The following KDM2B variants were observed in gnomAD, a reference collection of about 807,000 sequenced individuals.
KDM2B encodes the protein lysine demethylase 2B.
A neutral mutation model predicts 150.0 loss-of-function variants in KDM2B; 26 were observed. The observed-to-expected ratio is 0.17, with a 90% CI of 0.13 to 0.24. KDM2B has a LOEUF of 0.24. KDM2B is among the 10% of genes least tolerant of loss of function. The pLI is 1.00. For missense variants in KDM2B, 1,265 were observed against 1,816.9 expected (o/e 0.70, Z 5.52); for synonymous variants, 734 against 729.5 (o/e 1.01, Z -0.10).
chr12:121,466,607 C>G (rs1220488448), intron 12 of KDM2B, among the ~76,000 whole-genome samples: 1 of 151,450 alleles, frequency 6.6e-6, no homozygotes, highest in Non-Finnish European at 1.5e-5. Flanking sequence ...TCTCCGTCTG[C>G]CCACGGCGGG....
downstream of KDM2B, among the ~76,000 whole-genome samples, chr12:121,425,776 T>C (rs1872484839): frequency 6.6e-6 from 1 of 151,690 alleles, no homozygotes; most frequent in Admixed American, 6.6e-5. Flanking sequence ...AAACTTTTTT[T>C]TTTTTTTTGA....
At chr12:121,416,560 T>C in the KDM2B span, 4 of 551,462 alleles carry the variant, frequency 7.3e-6, no homozygotes, top group South Asian at 6.6e-5. Context: ...TCAAGTTTTA[T>C]AGACATTGTT....
chr12:121,580,497 C>T (rs913671349), intron 1 of KDM2B: 179 of 1,195,588 alleles, frequency 1.5e-4, no homozygotes, highest in Non-Finnish European at 1.8e-4. Flanking sequence ...GCCGCCGCCG[C>T]CCGGGAGTTG....
At position 121,440,924 on chromosome 12, in the gene KDM2B, A is replaced by C. The variant is rs1555288031; in HGVS notation, c.3502T>G (p.Cys1168Gly). The change falls in exon 21 of 23, where the codon TGC becomes GGC. Residue 1168 changes from cysteine to glycine, a missense_variant. Cys to Gly is a radical substitution (Grantham distance 159, BLOSUM62 -3). Coordinates refer to ENST00000377071, the MANE Select transcript of KDM2B (RefSeq NM_032590.5). ...GCSWIAVSALCSSSCPLLRTL... is the reference protein window; with the variant it reads ...GCSWIAVSALGSSSCPLLRTL... ...CGGAGCAGCGGACAACTGGAGCTGC[A>C]AAGGGCCGAGACCGCGATCCATGAG... 1.2e-6 allele frequency: 2 copies of C among 1,614,128 alleles called. No homozygotes were observed. Among genetic ancestry groups the C allele is most frequent in the South Asian group, 2.2e-5 (2 of 91,082 alleles).
intron 8 of KDM2B, among the ~76,000 whole-genome samples, 156 bp downstream of exon 8, chr12:121,532,650 G>GCACGGCTTTTCCCTCCAGCC (rs1187772470): frequency 2.0e-5 from 3 of 152,208 alleles, no homozygotes; most frequent in Non-Finnish European, 1.5e-5. Context: ...GGGGAAAACT[G>GCACGGCTTTTCCCTCCAGCC]CACGGCTTTT....
chr12:121,580,737 A>T (rs782066770), intron 1 of KDM2B, 49 bp downstream of exon 1: 2 of 1,435,622 alleles, frequency 1.4e-6, no homozygotes, highest in South Asian at 2.5e-5. Context: ...CTCATTGCCC[A>T]GGGCTACCCC....
intron 22 of KDM2B, among the ~76,000 whole-genome samples, chr12:121,433,963 G>A (rs1555286116): frequency 6.6e-6 from 1 of 151,950 alleles, no homozygotes; most frequent in Admixed American, 6.6e-5. Context: ...TGGATCACTT[G>A]AGCCTAGGAG....
chr12:121,467,123 G>C lies in KDM2B; in HGVS notation c.1735-13779C>G. The C allele has an allele frequency of 9.1e-7, 1 of 1,103,956 alleles. No individual in the cohort carries two copies. Among genetic ancestry groups the C allele is most frequent in the Non-Finnish European group, 1.1e-6 (1 of 884,742 alleles). 68.4% of individuals were successfully genotyped at this position (1,103,956 alleles called of 1,614,324 possible). A position where few individuals can be genotyped will look rare whatever the true frequency, so the allele number is the denominator to read the frequency against. ...ACAGGCGGTCGGGAGGTCGTGCGGC[G>C]GGTCCCTCCCTCAGCCCCACCCCGG... On this transcript the variant is annotated intron_variant, in intron 12 of 22. Transcript: ENST00000377071. The surrounding 1 kb of genome is among the most constrained non-coding windows in gnomAD (Gnocchi z 5.1).
Position 121,521,005 on chromosome 12 carries a change from C to T in KDM2B, c.1027G>A (p.Glu343Lys). The change falls in exon 9 of 23, where the codon GAG (glutamate) becomes AAG (lysine). Residue 343 changes from glutamate to lysine, a missense_variant. Transcript: ENST00000377071. This position sits in a 1 kb window ranked among gnomAD's most constrained non-coding sequence, Gnocchi z 4.9. ...CTTACCCGCGTCCTGTCCTCGATCTCGTAGATCCGCAGCTGCATGGGCACG... is the reference window on the plus strand; with the variant it reads ...CTTACCCGCGTCCTGTCCTCGATCTTGTAGATCCGCAGCTGCATGGGCACG... Reference protein sequence around the residue: ...FNVPMQLRIYEIEDRTRVQPK... With the variant: ...FNVPMQLRIYKIEDRTRVQPK... 1.2e-6 allele frequency: 2 copies of T among 1,613,914 alleles called. No homozygotes were observed. Among genetic ancestry groups the T allele is most frequent in the Non-Finnish European group, 1.7e-6 (2 of 1,179,930 alleles).
chr12:121,473,037 G>A (rs1338956345), intron 12 of KDM2B, among the ~76,000 whole-genome samples: 1 of 152,072 alleles, frequency 6.6e-6, no homozygotes, highest in Non-Finnish European at 1.5e-5. Flanking sequence ...GGAGAAATAA[G>A]ATCTGAAGTT....
chr12:121,440,490 GC>G, intron 21 of KDM2B: 1 of 383,238 alleles, frequency 2.6e-6, no homozygotes, highest in Non-Finnish European at 4.8e-6. Context: ...CCAACGAGGG[GC>G]AAGTCAACAG....
intron 12 of KDM2B, among the ~76,000 whole-genome samples, chr12:121,478,461 G>A (rs905325563): frequency 5.4e-5 from 8 of 149,424 alleles, no homozygotes; most frequent in Middle Eastern, 3.5e-3. Context: ...CCAAGTTCAC[G>A]CCATTCTCCT....
intron 11 of KDM2B, among the ~76,000 whole-genome samples, chr12:121,499,765 T>C (rs1196202414): frequency 6.6e-6 from 1 of 151,708 alleles, no homozygotes; most frequent in Admixed American, 6.6e-5. Context: ...CTGTCCAACA[T>C]AGTGAAACCC....
At chr12:121,562,328 C>CA (rs1489159874) in intron 4 of KDM2B, among the ~76,000 whole-genome samples, 1 of 133,526 alleles carries the variant, frequency 7.5e-6, no homozygotes, top group Non-Finnish European at 1.6e-5. Flanking sequence ...ACTAAAAATA[C>CA]AAAAAATTAG....
At chr12:121,579,405 G>C (rs1334999302) in intron 1 of KDM2B, among the ~76,000 whole-genome samples, 3 of 152,176 alleles carry the variant, frequency 2.0e-5, no homozygotes, top group Non-Finnish European at 2.9e-5. Flanking sequence ...AGCCGGAACC[G>C]GGGGCCGGCG....
chr12:121,568,984 G>C (rs890308150), intron 4 of KDM2B, among the ~76,000 whole-genome samples: 1 of 152,070 alleles, frequency 6.6e-6, no homozygotes, highest in African/African-American at 2.4e-5. Flanking sequence ...ACACCTGGTA[G>C]TGCACAAATC....
chr12:121,538,632 C>T (rs1888360486), intron 6 of KDM2B, among the ~76,000 whole-genome samples: 1 of 152,150 alleles, frequency 6.6e-6, no homozygotes, highest in Admixed American at 6.5e-5. Context: ...CCGCATCATC[C>T]AAACTGTGGT....
downstream of KDM2B, among the ~76,000 whole-genome samples, chr12:121,424,701 AC>A (rs1555284006): frequency 7.0e-6 from 1 of 143,012 alleles, no homozygotes; most frequent in African/African-American, 2.7e-5. Flanking sequence ...ACAGAGCCAG[AC>A]CTTGTCTCAA....
intron 11 of KDM2B, 61 bp downstream of exon 11, chr12:121,509,506 A>G: frequency 6.3e-6 from 10 of 1,577,480 alleles, no homozygotes; most frequent in South Asian, 2.4e-5. Flanking sequence ...CACGTGTCAC[A>G]CTGAACGGGA....
Sources: gnomAD v4.1 joint callset for allele counts (sites outside exome capture counted in the v4.1 genomes callset) on GRCh38, gnomAD v4.1.1 for gene constraint, Gnocchi (gnomAD v3.1) non-coding constraint, MANE v1.5 for transcripts, NCBI Gene and HGNC (gene_info 2026-07-23, HGNC 2026-07-21) for gene names.